The following DOCK3 variants were observed in gnomAD, a reference collection of about 807,000 sequenced individuals.
DOCK3 encodes dedicator of cytokinesis protein 3.
A neutral mutation model predicts 265.6 loss-of-function variants in DOCK3; 60 were observed. The observed-to-expected ratio is 0.23, with a 90% CI of 0.18 to 0.28. The LOEUF (loss-of-function observed/expected upper bound fraction) is 0.28, where lower values mean the gene tolerates loss of function less well. Ranked by LOEUF, DOCK3 falls within the 10% of genes least tolerant of loss-of-function variation. The pLI is 1.00. For synonymous variants in DOCK3, 881 were observed against 938.0 expected, an observed-to-expected ratio of 0.94 and a Z score of 1.11; for missense variants, 1,981 against 2,594.3, an observed-to-expected ratio of 0.76 and a Z score of 5.14.
At chr3:51,249,497 G>A (rs1273870582) in intron 22 of DOCK3, among the ~76,000 whole-genome samples, 1 of 97,550 alleles carries the variant, frequency 1.0e-5, no homozygotes, top group African/African-American at 4.0e-5. Context: ...ATCCGGGAGG[G>A]AGGTGGGGGG....
chr3:50,733,096 A>G (rs1436880796), intron 1 of DOCK3, among the ~76,000 whole-genome samples: 1 of 152,216 alleles, frequency 6.6e-6, no homozygotes, highest in African/African-American at 2.4e-5. Context: ...CTTTAAAAAT[A>G]TATAATTTGG....
chr3:50,915,676 C>T (rs1419252422), intron 4 of DOCK3, among the ~76,000 whole-genome samples: 2 of 151,954 alleles, frequency 1.3e-5, no homozygotes, highest in African/African-American at 4.8e-5. Flanking sequence ...TTCTGGGTGA[C>T]CCAGGTATCA....
At chr3:51,208,727 G>T (rs557060355) in intron 12 of DOCK3, 47 bp from the exon 13 acceptor site, 4 of 1,499,826 alleles carry the variant, frequency 2.7e-6, no homozygotes, top group Non-Finnish European at 3.6e-6. Flanking sequence ...CATCAGACCA[G>T]TTGTTTAAAA....
intron 49 of DOCK3, among the ~76,000 whole-genome samples, chr3:51,366,569 A>T (rs1303887890): frequency 1.3e-5 from 2 of 151,910 alleles, no homozygotes; most frequent in Non-Finnish European, 2.9e-5. Context: ...TAGTTCTTTT[A>T]ATTGTGATGT....
At chr3:50,855,488 C>T (rs2046545087) in intron 3 of DOCK3, among the ~76,000 whole-genome samples, 1 of 151,966 alleles carries the variant, frequency 6.6e-6, no homozygotes, top group South Asian at 2.1e-4. Context: ...ATAGACGTGA[C>T]ACTGGTTTTT....
At chr3:50,953,322 A>G (rs1283525694) in intron 5 of DOCK3, among the ~76,000 whole-genome samples, 2 of 152,174 alleles carry the variant, frequency 1.3e-5, no homozygotes, top group Non-Finnish European at 2.9e-5. Context: ...CCCAAAACCA[A>G]AAAAGTGAAG....
intron 4 of DOCK3, among the ~76,000 whole-genome samples, chr3:50,893,548 G>A (rs1201094475): frequency 6.6e-6 from 1 of 151,902 alleles, no homozygotes; most frequent in Non-Finnish European, 1.5e-5. Context: ...CTTGAAGATA[G>A]GTCATTTGAA....
chr3:51,199,203 G>A (rs1167285715), intron 12 of DOCK3, among the ~76,000 whole-genome samples: 11 of 152,232 alleles, frequency 7.2e-5, no homozygotes, highest in African/African-American at 2.7e-4. Flanking sequence ...AGTGGGTGCA[G>A]CACACCGTGC....
intron 2 of DOCK3, among the ~76,000 whole-genome samples, 161 bp from the exon 3 acceptor site, chr3:50,841,514 C>G (rs1471577963): frequency 2.6e-5 from 4 of 151,614 alleles, no homozygotes; most frequent in Non-Finnish European, 5.9e-5. Context: ...TATGACTGTT[C>G]CTTTTGGAGT....
At chr3:51,094,361 T>C (rs1281261791) in intron 9 of DOCK3, among the ~76,000 whole-genome samples, 1 of 152,180 alleles carries the variant, frequency 6.6e-6, no homozygotes, top group East Asian at 1.9e-4. Flanking sequence ...GTTGTTGGTC[T>C]GTTTAGGGAT....
chr3:51,026,023 T>A (rs1354371230), intron 5 of DOCK3, among the ~76,000 whole-genome samples: 1 of 152,090 alleles, frequency 6.6e-6, no homozygotes, highest in African/African-American at 2.4e-5. Context: ...TTGATTTTTC[T>A]ATTAAGTTCC....
chr3:51,122,066 C>T (rs1178564138), intron 9 of DOCK3, among the ~76,000 whole-genome samples: 1 of 152,192 alleles, frequency 6.6e-6, no homozygotes, highest in East Asian at 1.9e-4. Flanking sequence ...GCAAGTTTCC[C>T]TATCAGCAAC....
chr3:50,887,830 A>G (rs2048418600), intron 3 of DOCK3, among the ~76,000 whole-genome samples: 1 of 150,538 alleles, frequency 6.6e-6, no homozygotes, highest in Non-Finnish European at 1.5e-5. Context: ...TAGGCTAAAA[A>G]CACTCAATAA....
intron 5 of DOCK3, among the ~76,000 whole-genome samples, chr3:51,049,181 C>G (rs1453232278): frequency 6.6e-6 from 1 of 151,984 alleles, no homozygotes; most frequent in Non-Finnish European, 1.5e-5. Flanking sequence ...CAAAAATTAG[C>G]CAGGCATGGT....
chr3:51,282,703 C>T (rs1037011853), intron 27 of DOCK3, among the ~76,000 whole-genome samples: 2 of 145,932 alleles, frequency 1.4e-5, no homozygotes, highest in Non-Finnish European at 3.0e-5. Flanking sequence ...AAACTTCCCA[C>T]AAAGAAAAGC....
At chr3:50,941,254 G>A (rs908251138) in intron 5 of DOCK3, among the ~76,000 whole-genome samples, 3 of 152,088 alleles carry the variant, frequency 2.0e-5, no homozygotes, top group Admixed American at 2.0e-4. Flanking sequence ...TTGTTGTTGG[G>A]CAAAATACTT....
intron 12 of DOCK3, among the ~76,000 whole-genome samples, chr3:51,201,275 A>G (rs1234379580): frequency 6.6e-6 from 1 of 150,668 alleles, no homozygotes; most frequent in Non-Finnish European, 1.5e-5. Context: ...GTATTCAGGA[A>G]ACCCATCTCA....
intron 2 of DOCK3, among the ~76,000 whole-genome samples, chr3:50,782,154 A>G (rs1406574452): frequency 2.0e-5 from 3 of 152,076 alleles, no homozygotes; most frequent in African/African-American, 7.2e-5. Context: ...ATTGGGATTG[A>G]TGGGTCGAAT....
chr3:51,034,428 T>C (rs912438405), intron 5 of DOCK3, among the ~76,000 whole-genome samples: 2 of 152,114 alleles, frequency 1.3e-5, no homozygotes, highest in Non-Finnish European at 2.9e-5. Flanking sequence ...GTAGGAATTA[T>C]ACATTCATAG....
Sources: gnomAD v4.1 joint callset for allele counts (sites outside exome capture counted in the v4.1 genomes callset) on GRCh38, gnomAD v4.1.1 for gene constraint, MANE v1.5 for transcripts, NCBI Gene and HGNC (gene_info 2026-07-23, HGNC 2026-07-21) for gene names.